The following PYROXD1 variants were observed in gnomAD, a reference collection of about 807,000 sequenced individuals.
PYROXD1 encodes tRNA ligase complex-associated NAD(P)H dehydrogenase PYROXD1.
In PYROXD1, 42 loss-of-function variants were observed where a neutral mutation model predicts 62.0. That is an observed-to-expected ratio of 0.68 (90% CI 0.53 to 0.88). The LOEUF is 0.88. Ranked by LOEUF, PYROXD1 falls within the 40% of genes least tolerant of loss-of-function variation. PYROXD1 has a pLI of 0.00. For missense variants in PYROXD1, 493 were observed against 604.8 expected (o/e 0.82, Z 1.94); for synonymous variants, 170 against 206.4 (o/e 0.82, Z 1.51).
chr12:21,449,609 G>C lies in PYROXD1; in HGVS notation c.332G>C (p.Cys111Ser). 2 of 1,613,168 alleles carry C rather than the reference G, an allele frequency of 1.2e-6. No individual in the cohort carries two copies. The highest frequency in any genetic ancestry group is 1.7e-6 in the Non-Finnish European group (2 of 1,179,354). Residue 111 changes from cysteine (C) to serine (S), a missense_variant, in exon 4 of 12, where the codon TGT becomes TCT. Physicochemically the swap from Cys to Ser is moderately radical, Grantham distance 112. This residue lies in a region of PYROXD1 where 164 missense variants were observed against 158.2 expected (regional missense o/e 1.04). Coordinates refer to ENST00000240651, the MANE Select transcript of PYROXD1 (RefSeq NM_024854.5). Reference sequence around the variant, plus strand: ...AATCAGCACGTATATAAGAAACTCTGTCTGTGTGCTGGAGCTAAACCAAAG... The same window carrying C: ...AATCAGCACGTATATAAGAAACTCTCTCTGTGTGCTGGAGCTAAACCAAAG... ...DGNQHVYKKL[C>S]LCAGAKPKLI...
At position 21,470,820 on chromosome 12, in the gene PYROXD1, T is replaced by C. The variant is rs1332193195; in HGVS notation, c.*2066T>C. 1 of 497,788 alleles carries C rather than the reference T, an allele frequency of 2.0e-6. No homozygotes were observed. Among genetic ancestry groups the C allele is most frequent in the Non-Finnish European group, 3.2e-6 (1 of 312,014 alleles). The allele number at this position is 497,788 out of a possible 1,614,324, so 30.8% of individuals were successfully genotyped here. On this transcript the variant is annotated 3_prime_UTR_variant, in exon 12 of 12. Transcript: ENST00000240651. ...TCACTTACATCTTTACAGAAAACTA[T>C]ATTTTCTCTCTTCCATACCCAGAAA...
intron 7 of PYROXD1, among the ~76,000 whole-genome samples, chr12:21,459,631 C>G (rs1942658672): frequency 6.6e-6 from 1 of 152,088 alleles, no homozygotes; most frequent in South Asian, 2.1e-4. Flanking sequence ...GAGATTGATC[C>G]CTCAACATGT....
chr12:21,455,464 A>ATATATATGTATGCATTT (rs1942579262), intron 6 of PYROXD1, among the ~76,000 whole-genome samples, 172 bp downstream of exon 6: 1 of 38,000 alleles, frequency 2.6e-5, no homozygotes, highest in African/African-American at 1.0e-4. Flanking sequence ...TATGTATTTT[A>ATATATATGTATGCATTT]TATATATATA....
At chr12:21,461,214 A>C in intron 8 of PYROXD1, 60 bp downstream of exon 8, 1 of 753,626 alleles carries the variant, frequency 1.3e-6, no homozygotes, top group Non-Finnish European at 1.9e-6. Flanking sequence ...AAACAATTTA[A>C]TCCTGCTGTG....
intron 3 of PYROXD1, among the ~76,000 whole-genome samples, chr12:21,445,779 A>G (rs1942375284): frequency 6.6e-6 from 1 of 152,170 alleles, no homozygotes; most frequent in Non-Finnish European, 1.5e-5. Flanking sequence ...GCTCCTAGGA[A>G]CTGTCAGTGT....
chr12:21,437,877 C>T (rs1942220863), intron 1 of PYROXD1, 63 bp downstream of exon 1: 5 of 1,407,804 alleles, frequency 3.6e-6, no homozygotes, highest in South Asian at 1.2e-5. Context: ...GCACTGGAGG[C>T]CTTCCTCCCA....
Position 21,470,906 on chromosome 12 carries a change from G to T in PYROXD1, c.*2152G>T. The T allele has an allele frequency of 8.3e-7, 1 of 1,206,392 alleles. No individual in the cohort carries two copies. The highest frequency in any genetic ancestry group is 1.1e-6 in the Non-Finnish European group (1 of 931,990). 74.7% of individuals were successfully genotyped at this position (1,206,392 alleles called of 1,614,324 possible). A position where few individuals can be genotyped will look rare whatever the true frequency, so the allele number is the denominator to read the frequency against. ...GGACCTAGGGGAATATGACAGAAAA[G>T]CATCCCATAGGCTTTAATATACTTT... On this transcript the variant is annotated 3_prime_UTR_variant, in exon 12 of 12. Coordinates refer to ENST00000240651, the MANE Select transcript of PYROXD1 (RefSeq NM_024854.5).
rs1289369316 is a variant in PYROXD1, at chr12:21,469,338, CTG to C, written c.*586_*587del. The C allele has an allele frequency of 6.6e-6, 1 of 151,994 alleles. No individual in the cohort carries two copies. The highest frequency in any genetic ancestry group is 2.4e-5 in the African/African-American group (1 of 41,368). The allele number at this position is 151,994 out of a possible 1,614,324, so 9.4% of individuals were successfully genotyped here. A position where few individuals can be genotyped will look rare whatever the true frequency, so the allele number is the denominator to read the frequency against. ...GCTTTGAATGCAGCCCAACACAAAT[CTG>C]TAAACTTTCTTAAAACATGAGATTT... On this transcript the variant is annotated 3_prime_UTR_variant, in exon 12 of 12. Transcript: ENST00000240651.
intron 7 of PYROXD1, among the ~76,000 whole-genome samples, chr12:21,460,304 G>A (rs557636478): frequency 3.9e-5 from 6 of 152,118 alleles, no homozygotes; most frequent in South Asian, 4.1e-4. Context: ...TACTACCTAC[G>A]TGGGACTTTA....
At chr12:21,449,839 ATTC>A in intron 4 of PYROXD1, 148 bp downstream of exon 4, 2 of 544,254 alleles carry the variant, frequency 3.7e-6, no homozygotes, top group Non-Finnish European at 6.2e-6. Context: ...GTTATGTTTT[ATTC>A]CTGCCAATTT....
intron 1 of PYROXD1, 61 bp from the exon 2 acceptor site, chr12:21,440,304 AACC>A (rs1942269848): frequency 1.3e-5 from 12 of 891,386 alleles, no homozygotes; most frequent in Middle Eastern, 2.2e-4. Flanking sequence ...CTCAACCCCA[AACC>A]ATATATACCA....
At chr12:21,468,340 G>A (rs988492596) in intron 11 of PYROXD1, among the ~76,000 whole-genome samples, 166 bp from the exon 12 acceptor site, 1 of 151,924 alleles carries the variant, frequency 6.6e-6, no homozygotes, top group African/African-American at 2.4e-5. Context: ...TAGAATTAAC[G>A]CATGCTGTTG....
intron 7 of PYROXD1, among the ~76,000 whole-genome samples, chr12:21,458,983 T>G (rs559521780): frequency 6.6e-6 from 1 of 152,282 alleles, no homozygotes; most frequent in Non-Finnish European, 1.5e-5. Flanking sequence ...AAACCTTCAA[T>G]TTGTAAAAAA....
intron 5 of PYROXD1, among the ~76,000 whole-genome samples, chr12:21,452,402 T>A (rs1942517777): frequency 6.6e-6 from 1 of 152,220 alleles, no homozygotes; most frequent in Non-Finnish European, 1.5e-5. Context: ...TTGGGAATGC[T>A]TTAGGTCTCA....
intron 8 of PYROXD1, among the ~76,000 whole-genome samples, chr12:21,461,396 T>A (rs1009859022): frequency 4.6e-5 from 7 of 152,140 alleles, no homozygotes; most frequent in Non-Finnish European, 7.4e-5. Context: ...TGACCAACAA[T>A]CAGAATATAT....
chr12:21,456,502 G>T (rs1005234653), intron 7 of PYROXD1, among the ~76,000 whole-genome samples: 1 of 152,156 alleles, frequency 6.6e-6, no homozygotes, highest in East Asian at 1.9e-4. Context: ...TTAGCATTGT[G>T]TCTAAAAATA....
In PYROXD1 at chr12:21,462,875, A is replaced by G; in HGVS notation, c.1116+13A>G. ...AGTCTGGCAGCAGGTAAGCTAGCAT[A>G]TATAATTATATGTTTTCATCAGAGA... On this transcript the variant is annotated intron_variant, in intron 10 of 11. Transcript: ENST00000240651. 6 of 1,607,700 alleles carry G rather than the reference A, an allele frequency of 3.7e-6. No homozygotes were observed. Among genetic ancestry groups the G allele is most frequent in the Non-Finnish European group, 4.2e-6 (5 of 1,178,212 alleles).
chr12:21,458,289 T>C (rs1942635548), intron 7 of PYROXD1, among the ~76,000 whole-genome samples: 1 of 152,218 alleles, frequency 6.6e-6, no homozygotes, highest in Non-Finnish European at 1.5e-5. Flanking sequence ...CTCACTTCTC[T>C]CAGCCTTTAC....
intron 7 of PYROXD1, among the ~76,000 whole-genome samples, chr12:21,458,910 A>G (rs1942646359): frequency 6.6e-6 from 1 of 152,232 alleles, no homozygotes; most frequent in Non-Finnish European, 1.5e-5. Context: ...ACAGAGACAC[A>G]AAGTGAGCAC....
Sources: allele counts gnomAD v4.1 joint callset (sites outside exome capture counted in the v4.1 genomes callset), GRCh38; gene constraint gnomAD v4.1.1; regional missense constraint gnomAD v4.1.1; transcripts MANE v1.5; gene names NCBI Gene and HGNC (gene_info 2026-07-23, HGNC 2026-07-21).